The following ABCC4 variants were observed in gnomAD, a reference collection of about 807,000 sequenced individuals.
ABCC4 encodes the protein ATP-binding cassette sub-family C member 4.
Under a neutral mutation model 168.5 loss-of-function variants are expected in ABCC4, and 102 were observed. The observed-to-expected ratio is 0.61, with a 90% confidence interval of 0.52 to 0.71. ABCC4 has a LOEUF of 0.71. ABCC4 is among the 30% of genes least tolerant of loss of function. The probability of loss-of-function intolerance (pLI) is 0.00; values close to 1 mark genes in which losing one functional copy is unlikely to be tolerated. For synonymous variants in ABCC4, 617 were observed against 590.7 expected (o/e 1.04, Z -0.65); for missense variants, 1,402 against 1,605.8 (o/e 0.87, Z 2.17).
intron 19 of ABCC4, among the ~76,000 whole-genome samples, chr13:95,144,743 C>G (rs1485818901): frequency 6.6e-6 from 1 of 152,018 alleles, no homozygotes; most frequent in Non-Finnish European, 1.5e-5. Context: ...AGAGACTACA[C>G]AAACAAATGG....
chr13:95,300,712 G>A (rs1177670640), intron 1 of ABCC4, among the ~76,000 whole-genome samples: 1 of 152,116 alleles, frequency 6.6e-6, no homozygotes, highest in African/African-American at 2.4e-5. Flanking sequence ...ACTGGGAGAT[G>A]GCATAGGTCC....
chr13:95,185,303 T>C (rs907059940), intron 11 of ABCC4, among the ~76,000 whole-genome samples: 16 of 152,242 alleles, frequency 1.1e-4, no homozygotes, highest in Admixed American at 1.3e-4. Context: ...GAGCTTGCCT[T>C]AGCGCATCTT....
intron 19 of ABCC4, among the ~76,000 whole-genome samples, chr13:95,137,977 G>C (rs2139470552): frequency 6.6e-6 from 1 of 152,196 alleles, no homozygotes; most frequent in South Asian, 2.1e-4. Context: ...ATTTTCTTTG[G>C]GGAAAGTGGG....
At chr13:95,295,279 G>A (rs879691015) in intron 1 of ABCC4, among the ~76,000 whole-genome samples, 11 of 152,142 alleles carry the variant, frequency 7.2e-5, no homozygotes, top group Admixed American at 6.5e-4. Context: ...ACTTTGGGAG[G>A]CCAAGGCGGG....
chr13:95,294,442 C>T (rs2041475846), intron 1 of ABCC4, among the ~76,000 whole-genome samples: 1 of 152,158 alleles, frequency 6.6e-6, no homozygotes, highest in Admixed American at 6.6e-5. Context: ...TGGTGAACAA[C>T]ACCATACATT....
chr13:95,104,999 T>G (rs2139383444), intron 20 of ABCC4, among the ~76,000 whole-genome samples: 1 of 152,236 alleles, frequency 6.6e-6, no homozygotes, highest in African/African-American at 2.4e-5. Flanking sequence ...TGTACTTTAT[T>G]TCTATTATTA....
chr13:95,042,111 G>A (rs894155194), intron 29 of ABCC4, among the ~76,000 whole-genome samples: 3 of 152,100 alleles, frequency 2.0e-5, no homozygotes, highest in African/African-American at 7.2e-5. Flanking sequence ...GAGAAGGAAA[G>A]CTCCATGTTG....
At chr13:95,233,319 TAA>T (rs200364087) in intron 4 of ABCC4, among the ~76,000 whole-genome samples, 1 of 146,804 alleles carries the variant, frequency 6.8e-6, no homozygotes, top group African/African-American at 2.5e-5. Flanking sequence ...AGTGCACCCA[TAA>T]AAAAAAAAAA....
At chr13:95,183,811 G>A (rs570946895) in intron 11 of ABCC4, among the ~76,000 whole-genome samples, 2 of 152,310 alleles carry the variant, frequency 1.3e-5, no homozygotes, top group Admixed American at 6.5e-5. Context: ...TTACTCAGGA[G>A]GCTGAGGCAG....
chr13:95,178,065 A>G lies in ABCC4; in HGVS notation c.1572T>C (p.Asp524=), dbSNP rs769263373. The change falls in exon 12 of 31, where the codon GAT becomes GAC. Residue 524 remains aspartate (D), a synonymous_variant. Transcript: ENST00000645237. ...KKDLQLLEDG[D]LTVIGDRGTT... ...TTCCCCGATCTCCTATCACAGTCAG[A>G]TCACCATCCTCCAACAGCTGTAAAT... 1 of 1,614,156 alleles carries G rather than the reference A, an allele frequency of 6.2e-7. No individual in the cohort carries two copies. The highest frequency in any genetic ancestry group is 8.5e-7 in the Non-Finnish European group (1 of 1,179,998).
At chr13:95,168,140 G>A (rs899296023) in intron 14 of ABCC4, among the ~76,000 whole-genome samples, 1 of 152,130 alleles carries the variant, frequency 6.6e-6, no homozygotes. Flanking sequence ...CCAAATTGCT[G>A]GGATTACAGG....
At chr13:95,217,764 A>C (rs879817385) in intron 4 of ABCC4, among the ~76,000 whole-genome samples, 3 of 152,038 alleles carry the variant, frequency 2.0e-5, no homozygotes, top group Admixed American at 1.3e-4. Context: ...CAAAAGATGC[A>C]AACCGCAGTT....
chr13:95,284,694 G>C (rs1277901265), intron 1 of ABCC4, among the ~76,000 whole-genome samples: 2 of 152,150 alleles, frequency 1.3e-5, no homozygotes, highest in African/African-American at 4.8e-5. Context: ...GCCCCTTAGG[G>C]CAGGGACCAG....
At chr13:95,104,409 C>T (rs945588820) in intron 20 of ABCC4, among the ~76,000 whole-genome samples, 28 of 152,110 alleles carry the variant, frequency 1.8e-4, no homozygotes, top group African/African-American at 6.3e-4. Flanking sequence ...AAAACATGTC[C>T]GGGTCTGATG....
chr13:95,106,690 T>A (rs2035017715), intron 20 of ABCC4, among the ~76,000 whole-genome samples: 1 of 152,062 alleles, frequency 6.6e-6, no homozygotes, highest in Non-Finnish European at 1.5e-5. Context: ...TCACACTCAG[T>A]CGATCTGTAT....
chr13:95,049,379 C>T (rs1032585160), intron 27 of ABCC4, among the ~76,000 whole-genome samples: 5 of 151,884 alleles, frequency 3.3e-5, no homozygotes, highest in African/African-American at 9.7e-5. Flanking sequence ...CGGTGGCTCA[C>T]GCCTGTAATC....
intron 19 of ABCC4, among the ~76,000 whole-genome samples, chr13:95,155,793 G>C (rs2036834796): frequency 6.6e-6 from 1 of 152,106 alleles, no homozygotes; most frequent in Admixed American, 6.5e-5. Flanking sequence ...CAAATTGAAA[G>C]CAAGTAAACA....
chr13:95,295,693 G>A (rs1251545879), intron 1 of ABCC4, among the ~76,000 whole-genome samples: 5 of 145,132 alleles, frequency 3.4e-5, no homozygotes, highest in Non-Finnish European at 3.0e-5. Context: ...GTCCAGGTGC[G>A]GTGGCTCATG....
At chr13:95,147,664 G>GCATTT (rs1187461301) in intron 19 of ABCC4, among the ~76,000 whole-genome samples, 1 of 152,118 alleles carries the variant, frequency 6.6e-6, no homozygotes, top group Non-Finnish European at 1.5e-5. Context: ...ACTAGTTATA[G>GCATTT]CATTTTTTAA....
Sources: allele counts gnomAD v4.1 joint callset (sites outside exome capture counted in the v4.1 genomes callset), GRCh38; gene constraint gnomAD v4.1.1; transcripts MANE v1.5; gene names NCBI Gene and HGNC (gene_info 2026-07-23, HGNC 2026-07-21).